PTPRG: variants seen among roughly 807,000 people sequenced by gnomAD.
PTPRG encodes protein tyrosine phosphatase receptor type G.
A neutral mutation model predicts 165.3 loss-of-function variants in PTPRG; 102 were observed. That is an observed-to-expected ratio of 0.62 (90% CI 0.53 to 0.73). PTPRG has a LOEUF of 0.73. PTPRG is among the 30% of genes least tolerant of loss of function. The pLI, the probability that PTPRG is intolerant of heterozygous loss-of-function variation, is 0.00. For missense variants in PTPRG, 1,866 were observed against 1,861.4 expected (o/e 1.00, Z -0.05); for synonymous variants, 675 against 669.5 (o/e 1.01, Z -0.13).
intron 2 of PTPRG, among the ~76,000 whole-genome samples, chr3:61,941,239 A>G (rs2039619812): frequency 6.6e-6 from 1 of 152,246 alleles, no homozygotes; most frequent in Non-Finnish European, 1.5e-5. Flanking sequence ...CATCCATGTA[A>G]AGGGCTTCGC....
At chr3:61,660,107 C>T (rs1445765903) in intron 1 of PTPRG, among the ~76,000 whole-genome samples, 1 of 152,100 alleles carries the variant, frequency 6.6e-6, no homozygotes, top group Non-Finnish European at 1.5e-5. Context: ...TGCCTGTAGT[C>T]CCAGCTACTC....
intron 5 of PTPRG, among the ~76,000 whole-genome samples, chr3:62,087,188 C>T (rs565350867): frequency 6.6e-6 from 1 of 152,172 alleles, no homozygotes; most frequent in Non-Finnish European, 1.5e-5. Context: ...ACAGGCCTGA[C>T]CCTCTGAAAG....
chr3:61,681,038 T>C (rs1431703428), intron 1 of PTPRG, among the ~76,000 whole-genome samples: 1 of 137,666 alleles, frequency 7.3e-6, no homozygotes, highest in Non-Finnish European at 1.5e-5. Flanking sequence ...TGAGTTAATC[T>C]TATATCTTTA....
At chr3:61,875,647 A>G (rs73842109) in intron 2 of PTPRG, among the ~76,000 whole-genome samples, 103 of 152,142 alleles carry the variant, frequency 6.8e-4, no homozygotes, top group African/African-American at 2.4e-3. Context: ...GCACATGCGC[A>G]CACACACACG....
At chr3:61,649,050 G>T (rs2106976193) in intron 1 of PTPRG, among the ~76,000 whole-genome samples, 1 of 152,196 alleles carries the variant, frequency 6.6e-6, no homozygotes, top group African/African-American at 2.4e-5. Flanking sequence ...GTTAACTTTG[G>T]GTTTGTCTAA....
At chr3:62,075,765 A>T (rs1701360024) in intron 4 of PTPRG, among the ~76,000 whole-genome samples, 1 of 152,176 alleles carries the variant, frequency 6.6e-6, no homozygotes, top group Non-Finnish European at 1.5e-5. Flanking sequence ...GTTCACCGTC[A>T]AATCTCTAAA....
chr3:61,887,800 A>C (rs2038094664), intron 2 of PTPRG, among the ~76,000 whole-genome samples: 1 of 152,130 alleles, frequency 6.6e-6, no homozygotes, highest in African/African-American at 2.4e-5. Context: ...CTTTGCATAT[A>C]TTCTTTATTC....
intron 2 of PTPRG, among the ~76,000 whole-genome samples, chr3:61,823,747 A>C (rs1404182019): frequency 6.6e-6 from 1 of 152,232 alleles, no homozygotes; most frequent in Non-Finnish European, 1.5e-5. Flanking sequence ...GCAAGTAGAA[A>C]TCAATAATGT....
At chr3:61,833,649 G>A (rs952664408) in intron 2 of PTPRG, among the ~76,000 whole-genome samples, 7 of 149,588 alleles carry the variant, frequency 4.7e-5, no homozygotes, top group Admixed American at 2.0e-4. Context: ...TGCAACCTCC[G>A]CCACCTGGGT....
chr3:61,671,422 T>C lies in PTPRG; in HGVS notation c.86-77456T>C, dbSNP rs371726423. On this transcript the variant is annotated intron_variant, in intron 1 of 29. Coordinates refer to ENST00000474889, the MANE Select transcript of PTPRG (RefSeq NM_002841.4). The stretch of plus-strand genomic sequence containing the variant: ...CTTAATCCATTCAACCCTGAGTGGA[T>C]ATAGCACATGTTTCAGAGAGCACAG... Among the ~76,000 whole-genome samples the C allele has an allele frequency of 1.3e-4, 20 of 151,890 alleles. No individual in the cohort carries two copies. The East Asian group carries it at 1.6e-3, about 12-fold the overall frequency.
chr3:61,839,549 A>G (rs1392696041), intron 2 of PTPRG, among the ~76,000 whole-genome samples: 2 of 152,250 alleles, frequency 1.3e-5, no homozygotes, highest in African/African-American at 4.8e-5. Context: ...TAACCTTGTC[A>G]GAGTTGGGAC....
At chr3:62,243,399 AG>A (rs1489263569) in intron 14 of PTPRG, among the ~76,000 whole-genome samples, 6 of 152,220 alleles carry the variant, frequency 3.9e-5, no homozygotes, top group African/African-American at 1.2e-4. Flanking sequence ...CGATGTTGGA[AG>A]GGGATATAAG....
chr3:61,945,001 C>G (rs937351962), intron 2 of PTPRG, among the ~76,000 whole-genome samples: 1 of 152,222 alleles, frequency 6.6e-6, no homozygotes, highest in South Asian at 2.1e-4. Flanking sequence ...ATGCAAGTTG[C>G]GTGTGTCATG....
At chr3:61,993,727 T>C (rs894961376) in intron 3 of PTPRG, among the ~76,000 whole-genome samples, 2 of 152,266 alleles carry the variant, frequency 1.3e-5, no homozygotes, top group African/African-American at 2.4e-5. Flanking sequence ...AAAAGTATTT[T>C]AGAGTATTTT....
intron 1 of PTPRG, among the ~76,000 whole-genome samples, chr3:61,706,455 TTTTC>T (rs1295934851): frequency 1.3e-5 from 2 of 152,072 alleles, no homozygotes; most frequent in Non-Finnish European, 2.9e-5. Context: ...CATTAACTCA[TTTTC>T]TTTCTTTGAT....
intron 2 of PTPRG, among the ~76,000 whole-genome samples, chr3:61,757,407 A>C (rs1211077227): frequency 1.3e-5 from 2 of 152,048 alleles, no homozygotes; most frequent in African/African-American, 4.8e-5. Context: ...TTTTCTTTGT[A>C]ACAATTTTGA....
At chr3:61,563,918 C>T (rs986791616) in intron 1 of PTPRG, among the ~76,000 whole-genome samples, 4 of 152,330 alleles carry the variant, frequency 2.6e-5, no homozygotes, top group Admixed American at 1.3e-4. Flanking sequence ...CCTTTTCTCT[C>T]TGCGCATCCT....
In PTPRG at chr3:62,003,475, A is replaced by G. The variant is rs372067576; in HGVS notation, c.497A>G (p.Asn166Ser). The G allele has an allele frequency of 5.8e-5, 93 of 1,613,854 alleles. No homozygotes were observed. The highest frequency in any genetic ancestry group is 4.5e-4 in the African/African-American group (34 of 74,896). ...NGSAGSEHSINGRRFPVEMQI... is the reference protein window; with the variant it reads ...NGSAGSEHSISGRRFPVEMQI... The stretch of plus-strand genomic sequence containing the variant: ...TCAGCGGGCTCTGAACACAGCATCA[A>G]TGGCAGGAGGTTTCCTGTTGAGGTG... The change falls in exon 4 of 30, where the codon AAT (asparagine) becomes AGT (serine). Residue 166 changes from asparagine to serine, a missense_variant. By Grantham distance (46) the Asn-to-Ser change is conservative. Around this residue, in one of 3 missense-constraint regions of PTPRG, gnomAD observed 408 missense variants for 376.2 expected, o/e 1.08. Transcript: ENST00000474889.
chr3:62,133,243 A>G (rs544219905), intron 6 of PTPRG, among the ~76,000 whole-genome samples: 52 of 152,326 alleles, frequency 3.4e-4, no homozygotes, highest in African/African-American at 1.2e-3. Context: ...CTGCAACTGT[A>G]TTATCTGCAC....
Sources: allele counts gnomAD v4.1 joint callset (sites outside exome capture counted in the v4.1 genomes callset), GRCh38; gene constraint gnomAD v4.1.1; regional missense constraint gnomAD v4.1.1; transcripts MANE v1.5; gene names NCBI Gene and HGNC (gene_info 2026-07-23, HGNC 2026-07-21).